Variants in SEMA5A observed in about 807,000 individuals in gnomAD.
SEMA5A encodes semaphorin 5A, also known as semaphorin-5A.
In SEMA5A, 55 loss-of-function variants were observed where a neutral mutation model predicts 135.5. That is an observed-to-expected ratio of 0.41 (90% confidence interval 0.33 to 0.51). SEMA5A has a LOEUF of 0.51. Ranked by LOEUF, SEMA5A falls within the 20% of genes least tolerant of loss-of-function variation. The pLI is 0.37. For missense variants in SEMA5A, 1,290 were observed against 1,419.9 expected, an observed-to-expected ratio of 0.91 and a Z score of 1.47; for synonymous variants, 580 against 546.5, an observed-to-expected ratio of 1.06 and a Z score of -0.85.
At chr5:9,513,068 A>AAT (rs56269546) in intron 1 of SEMA5A, among the ~76,000 whole-genome samples, 75,406 of 143,482 alleles carry the variant, frequency 0.53, 20,255 homozygotes, top group African/African-American at 0.55. Context: ...ATATATATAT[A>AAT]ATATATATAT....
chr5:9,214,062 A>T (rs1296842393), intron 8 of SEMA5A, among the ~76,000 whole-genome samples: 4 of 152,212 alleles, frequency 2.6e-5, no homozygotes, highest in African/African-American at 9.6e-5. Context: ...AACTAAACTA[A>T]CTAGGAGCCA....
rs563159862 is a variant in SEMA5A at position 9,276,037 on chromosome 5, G to A, written c.271-38147C>T. 9.4e-4 allele frequency among the ~76,000 whole-genome samples: 143 copies of A among 152,276 alleles called. 2 individuals carry two copies. In the South Asian group the frequency reaches 0.015, roughly 16 times the overall value. ...AGTCAAATTGTCTCTGTTTGCAGAT[G>A]ATATGATTGCATATTTAGAAAATCC... On this transcript the variant is annotated intron_variant, in intron 5 of 22. Transcript: ENST00000382496.
intron 4 of SEMA5A, among the ~76,000 whole-genome samples, chr5:9,331,429 A>G (rs969299454): frequency 6.6e-6 from 1 of 152,218 alleles, no homozygotes; most frequent in Non-Finnish European, 1.5e-5. Context: ...CATTAGATTG[A>G]GGAGGCTTCA....
At chr5:9,222,390 T>A (rs1338434872) in intron 8 of SEMA5A, among the ~76,000 whole-genome samples, 2 of 152,106 alleles carry the variant, frequency 1.3e-5, no homozygotes, top group Non-Finnish European at 1.5e-5. Context: ...AGACAACACT[T>A]CATATGCAAT....
intron 6 of SEMA5A, among the ~76,000 whole-genome samples, chr5:9,228,982 G>A (rs1747472671): frequency 1.3e-5 from 2 of 152,274 alleles, no homozygotes; most frequent in Non-Finnish European, 2.9e-5. Context: ...CTAGAGACAG[G>A]GTTCTGTCAT....
intron 1 of SEMA5A, among the ~76,000 whole-genome samples, chr5:9,510,967 G>A (rs748902594): frequency 1.3e-5 from 2 of 152,116 alleles, no homozygotes; most frequent in Non-Finnish European, 2.9e-5. Flanking sequence ...GAAGATACCC[G>A]AGAAGTCATT....
chr5:9,107,705 C>T (rs1308431975), intron 16 of SEMA5A, among the ~76,000 whole-genome samples: 1 of 152,174 alleles, frequency 6.6e-6, no homozygotes, highest in Non-Finnish European at 1.5e-5. Flanking sequence ...GAAAAACTTG[C>T]ATGATTTGCA....
intron 3 of SEMA5A, among the ~76,000 whole-genome samples, chr5:9,347,970 G>A (rs528647021): frequency 5.9e-5 from 9 of 152,242 alleles, no homozygotes; most frequent in South Asian, 2.1e-4. Flanking sequence ...GTTACCCCAC[G>A]TTTTCAATTC....
intron 11 of SEMA5A, among the ~76,000 whole-genome samples, chr5:9,157,172 A>C (rs1806103): frequency 0.13 from 20,204 of 152,126 alleles, 2,638 homozygotes; most frequent in African/African-American, 0.33. Context: ...CAGGTTTAGC[A>C]CACAAAGACC....
At chr5:9,318,051 C>T (rs1308055834) in intron 5 of SEMA5A, among the ~76,000 whole-genome samples, 2 of 152,094 alleles carry the variant, frequency 1.3e-5, no homozygotes, top group Non-Finnish European at 2.9e-5. Context: ...TCGATGATTG[C>T]TGTAACTGTG....
rs185144465 is a variant in SEMA5A, at chr5:9,450,116, T to C, written c.-174-12264A>G. 2.3e-3 allele frequency among the ~76,000 whole-genome samples: 354 copies of C among 152,198 alleles called. 1 individual carries two copies. Among genetic ancestry groups the C allele is most frequent in the African/African-American group, 8.1e-3 (338 of 41,516 alleles). On this transcript the variant is annotated intron_variant, in intron 1 of 22. Transcript: ENST00000382496. ...CCTGTCCATTAAGCTGAGTCCCCTA[T>C]ACCAGGATCCTTCTACAGACCCCCT...
chr5:9,132,782 T>C (rs1741505163), intron 13 of SEMA5A, among the ~76,000 whole-genome samples: 1 of 152,200 alleles, frequency 6.6e-6, no homozygotes. Context: ...CCTGTAACTC[T>C]TATTGCACTC....
chr5:9,441,159 C>A (rs750320750), intron 1 of SEMA5A, among the ~76,000 whole-genome samples: 11 of 152,152 alleles, frequency 7.2e-5, no homozygotes, highest in African/African-American at 2.7e-4. Flanking sequence ...AAAACAAGAA[C>A]CTATTACACT....
At chr5:9,340,590 A>C (rs934359394) in intron 3 of SEMA5A, among the ~76,000 whole-genome samples, 4 of 152,202 alleles carry the variant, frequency 2.6e-5, no homozygotes, top group Admixed American at 2.6e-4. Flanking sequence ...TGAAGTAATA[A>C]AAGGAGTCAT....
intron 13 of SEMA5A, among the ~76,000 whole-genome samples, chr5:9,128,177 G>C (rs1741219893): frequency 6.6e-6 from 1 of 152,128 alleles, no homozygotes; most frequent in Admixed American, 6.5e-5. Context: ...GGAATCTGTG[G>C]TGAGTTGGGC....
chr5:9,141,034 T>A (rs975749249), intron 12 of SEMA5A, among the ~76,000 whole-genome samples: 1 of 152,202 alleles, frequency 6.6e-6, no homozygotes, highest in Non-Finnish European at 1.5e-5. Flanking sequence ...AACATTACAC[T>A]TATCCTTTAA....
At chr5:9,239,103 C>A (rs1388381191) in intron 5 of SEMA5A, among the ~76,000 whole-genome samples, 1 of 152,118 alleles carries the variant, frequency 6.6e-6, no homozygotes, top group African/African-American at 2.4e-5. Context: ...GAGATTAAAT[C>A]ATACAACACT....
At position 9,367,572 on chromosome 5, in the gene SEMA5A, G is replaced by C. The variant is rs79511472; in HGVS notation, c.124+12251C>G. 9.8e-3 allele frequency among the ~76,000 whole-genome samples: 1,494 copies of C among 152,230 alleles called. 31 individuals carry two copies. The highest frequency in any genetic ancestry group is 0.08 in the East Asian group (414 of 5,174). On this transcript the variant is annotated intron_variant, in intron 3 of 22. Transcript: ENST00000382496. ...CAAATGTGATGGCACCTCTGAAAGT[G>C]GTATACTCAGAAATTTTCCTCCAGA...
chr5:9,136,460 C>A lies in SEMA5A; in HGVS notation c.1599+44G>T, dbSNP rs757612641. ...TGAGGATCGCCAGGGGAGCATGGCT[C>A]CCATGGGCAGCATTTTCAGAGGATG... On this transcript the variant is annotated intron_variant, in intron 13 of 22. Coordinates refer to ENST00000382496, the MANE Select transcript of SEMA5A (RefSeq NM_003966.3). 7.9e-6 allele frequency: 12 copies of A among 1,521,730 alleles called. No individual in the cohort carries two copies. In the South Asian group the frequency reaches 1.1e-4, roughly 14 times the overall value. The allele number at this position is 1,521,730 out of a possible 1,614,324, so 94.3% of individuals were successfully genotyped here.
Sources: allele counts gnomAD v4.1 joint callset (sites outside exome capture counted in the v4.1 genomes callset), GRCh38; gene constraint gnomAD v4.1.1; transcripts MANE v1.5; gene names NCBI Gene and HGNC (gene_info 2026-07-23, HGNC 2026-07-21).